The following EIF4G3 variants were observed in gnomAD, a reference collection of about 807,000 sequenced individuals.
EIF4G3 encodes the protein eIF-4-gamma 3.
In EIF4G3, 34 loss-of-function variants were observed where a neutral mutation model predicts 186.4. That is an observed-to-expected ratio of 0.18 (90% CI 0.14 to 0.24). The LOEUF (loss-of-function observed/expected upper bound fraction) is 0.24. EIF4G3 is among the 10% of genes least tolerant of loss of function. The pLI is 1.00. For synonymous variants in EIF4G3, 673 were observed against 679.5 expected, an observed-to-expected ratio of 0.99 and a Z score of 0.15; for missense variants, 1,536 against 1,948.5, an observed-to-expected ratio of 0.79 and a Z score of 3.99.
chr1:20,929,677 C>T (rs888154044), intron 14 of EIF4G3: 4 of 152,154 alleles, frequency 2.6e-5, no homozygotes, highest in African/African-American at 9.7e-5. Flanking sequence ...ACATACATCA[C>T]ATTTTATCTT....
At chr1:20,948,199 G>T (rs2154563184) in intron 13 of EIF4G3, among the ~76,000 whole-genome samples, 1 of 152,274 alleles carries the variant, frequency 6.6e-6, no homozygotes, top group Non-Finnish European at 1.5e-5. Context: ...AATACTCTGA[G>T]AATTATTCTC....
intron 19 of EIF4G3, among the ~76,000 whole-genome samples, chr1:20,882,971 A>G (rs1235223264): frequency 6.6e-6 from 1 of 151,834 alleles, no homozygotes; most frequent in Non-Finnish European, 1.5e-5. Context: ...AGTCCCAGAT[A>G]CTTGAGATGC....
rs575462477 is a variant in EIF4G3, at chr1:21,053,384, C to A, written c.-195-2390G>T. 5.9e-3 allele frequency among the ~76,000 whole-genome samples: 881 copies of A among 149,724 alleles called. 8 individuals carry two copies. The highest frequency in any genetic ancestry group is 0.02 in the African/African-American group (836 of 40,990). On this transcript the variant is annotated intron_variant, in intron 3 of 36. Transcript: ENST00000602326. ...GGGAGGGAGGTGGGGGTCAGCCCCCCGCCCGGACAGCCGCCCCGTCTGGAA... is the reference window on the plus strand; with the variant it reads ...GGGAGGGAGGTGGGGGTCAGCCCCCAGCCCGGACAGCCGCCCCGTCTGGAA...
intron 24 of EIF4G3, among the ~76,000 whole-genome samples, chr1:20,858,470 C>A (rs992211727): frequency 1.3e-5 from 2 of 152,202 alleles, no homozygotes; most frequent in African/African-American, 4.8e-5. Flanking sequence ...TCAAACAATA[C>A]CAACTTTTAT....
At chr1:21,009,154 A>C (rs1257614828) in intron 4 of EIF4G3, among the ~76,000 whole-genome samples, 1 of 152,106 alleles carries the variant, frequency 6.6e-6, no homozygotes, top group African/African-American at 2.4e-5. Context: ...ACTTCTCTTT[A>C]TGCATATATA....
At chr1:20,869,229 G>A (rs1250116082) in intron 20 of EIF4G3, among the ~76,000 whole-genome samples, 2 of 151,608 alleles carry the variant, frequency 1.3e-5, no homozygotes, top group Non-Finnish European at 2.9e-5. Context: ...TATTTGTAAT[G>A]AATAGGATAA....
At chr1:20,879,043 G>A (rs1184047268) in intron 20 of EIF4G3, among the ~76,000 whole-genome samples, 6 of 152,078 alleles carry the variant, frequency 3.9e-5, no homozygotes, top group Non-Finnish European at 8.8e-5. Context: ...TGCCCATGAC[G>A]ATAATTTTAC....
At chr1:20,857,637 T>C (rs1310380793) in intron 24 of EIF4G3, 140 bp from the exon 25 acceptor site, 5 of 760,474 alleles carry the variant, frequency 6.6e-6, no homozygotes, top group Non-Finnish European at 1.1e-5. Flanking sequence ...TTTAATCCCA[T>C]GGCAGGAAAA....
chr1:20,948,358 T>C (rs1257776461), intron 13 of EIF4G3, among the ~76,000 whole-genome samples: 4 of 152,144 alleles, frequency 2.6e-5, no homozygotes, highest in African/African-American at 7.2e-5. Flanking sequence ...CATGCAGGAG[T>C]TCTCCTTTAA....
At chr1:21,114,050 T>C (rs1243638403) in intron 2 of EIF4G3, among the ~76,000 whole-genome samples, 3 of 152,184 alleles carry the variant, frequency 2.0e-5, no homozygotes, top group Admixed American at 6.5e-5. Context: ...ATATCGCTAC[T>C]GATCTCATCA....
intron 3 of EIF4G3, among the ~76,000 whole-genome samples, chr1:21,053,513 C>T (rs1396250234): frequency 2.7e-5 from 4 of 146,686 alleles, no homozygotes; most frequent in Admixed American, 6.7e-5. Flanking sequence ...AGTCCCTCTG[C>T]CCGGCCAGCC....
chr1:21,052,994 G>A (rs1313620283), intron 3 of EIF4G3, among the ~76,000 whole-genome samples: 9 of 150,082 alleles, frequency 6.0e-5, no homozygotes, highest in South Asian at 2.1e-4. Flanking sequence ...GCCTCTGCCC[G>A]GCCGCCACCC....
intron 4 of EIF4G3, among the ~76,000 whole-genome samples, chr1:21,006,469 A>G (rs1413552257): frequency 6.6e-6 from 1 of 152,230 alleles, no homozygotes; most frequent in Non-Finnish European, 1.5e-5. Context: ...TTTACTCTGC[A>G]ATCCAGTATA....
At chr1:20,822,577 T>G (rs1480838037) in intron 33 of EIF4G3, among the ~76,000 whole-genome samples, 2 of 150,976 alleles carry the variant, frequency 1.3e-5, no homozygotes, top group Non-Finnish European at 3.0e-5. Flanking sequence ...TTGTTCTTAT[T>G]GTTCTAATTT....
intron 2 of EIF4G3, among the ~76,000 whole-genome samples, chr1:21,091,861 G>T (rs1020336993): frequency 2.0e-5 from 3 of 152,220 alleles, no homozygotes; most frequent in African/African-American, 7.2e-5. Context: ...AGACTTTGCT[G>T]AAGTTGCTTA....
intron 3 of EIF4G3, among the ~76,000 whole-genome samples, chr1:21,084,401 C>T (rs1055799469): frequency 3.3e-5 from 5 of 152,016 alleles, no homozygotes; most frequent in African/African-American, 1.2e-4. Flanking sequence ...AGTGCCACAC[C>T]TTTGAACCAT....
chr1:21,014,601 G>C (rs940767042), intron 4 of EIF4G3, among the ~76,000 whole-genome samples: 1 of 147,158 alleles, frequency 6.8e-6, no homozygotes, highest in Non-Finnish European at 1.5e-5. Flanking sequence ...TGTTAGTTCA[G>C]TTAGGATAAT....
At position 20,860,012 on chromosome 1, in the gene EIF4G3, T is replaced by A. The variant is rs182826661; in HGVS notation, c.3244+373A>T. ...TTCATAATTGATATACTATCTTCCA[T>A]TTGCTTAACAAATGTTCCTCTTTTG... On this transcript the variant is annotated intron_variant, in intron 24 of 36. Transcript: ENST00000602326. 4.9e-4 allele frequency among the ~76,000 whole-genome samples: 74 copies of A among 152,358 alleles called. 1 individual carries two copies. In the East Asian group the frequency reaches 0.013, roughly 27 times the overall value.
chr1:20,938,679 C>T (rs2095599762), intron 14 of EIF4G3, among the ~76,000 whole-genome samples: 1 of 152,186 alleles, frequency 6.6e-6, no homozygotes, highest in African/African-American at 2.4e-5. Flanking sequence ...AGTCATTAAG[C>T]ATATGACCAC....
Sources: allele counts gnomAD v4.1 joint callset (sites outside exome capture counted in the v4.1 genomes callset), GRCh38; gene constraint gnomAD v4.1.1; transcripts MANE v1.5; gene names NCBI Gene and HGNC (gene_info 2026-07-23, HGNC 2026-07-21).